NXPH1: variants seen among roughly 807,000 people sequenced by gnomAD.
NXPH1 encodes the protein neurexophilin 1, also known as neurexophilin-1.
In NXPH1, 5 loss-of-function variants were observed where a neutral mutation model predicts 23.7. The ratio of observed to expected loss-of-function variants is 0.21; its 90% CI spans 0.11 to 0.44. The LOEUF (loss-of-function observed/expected upper bound fraction) is 0.44, where lower values mean the gene tolerates loss of function less well. NXPH1 is among the 20% of genes least tolerant of loss of function. NXPH1 has a pLI of 0.99. For synonymous variants in NXPH1, 144 were observed against 122.2 expected (o/e 1.18, Z -1.18); for missense variants, 324 against 321.6 (o/e 1.01, Z -0.06).
At chr7:8,718,710 G>A (rs545349202) in intron 2 of NXPH1, among the ~76,000 whole-genome samples, 32 of 152,262 alleles carry the variant, frequency 2.1e-4, no homozygotes, top group African/African-American at 7.7e-4. Flanking sequence ...TATGAAATGA[G>A]TTACTTAGAC....
intron 2 of NXPH1, among the ~76,000 whole-genome samples, chr7:8,576,216 C>T (rs1818752760): frequency 1.3e-5 from 2 of 152,268 alleles, no homozygotes; most frequent in South Asian, 4.1e-4. Context: ...CCATTCATTT[C>T]ATGTTTCCAT....
intron 2 of NXPH1, among the ~76,000 whole-genome samples, chr7:8,648,579 G>A (rs1820433711): frequency 1.3e-5 from 2 of 152,130 alleles, no homozygotes; most frequent in Admixed American, 1.3e-4. Flanking sequence ...TGGACACTTA[G>A]GTTGCTTCCA....
intron 2 of NXPH1, among the ~76,000 whole-genome samples, chr7:8,659,003 A>AT (rs1448705765): frequency 5.5e-5 from 4 of 73,082 alleles, no homozygotes; most frequent in African/African-American, 1.3e-4. Context: ...ATATATATAT[A>AT]TATTTTTTTT....
At chr7:8,696,116 A>G (rs1779498735) in intron 2 of NXPH1, among the ~76,000 whole-genome samples, 2 of 152,208 alleles carry the variant, frequency 1.3e-5, no homozygotes, top group African/African-American at 2.4e-5. Flanking sequence ...CTTTCACATA[A>G]AACTGGTATT....
chr7:8,456,501 G>A (rs765875706), intron 2 of NXPH1, among the ~76,000 whole-genome samples: 2 of 152,186 alleles, frequency 1.3e-5, no homozygotes, highest in Admixed American at 1.3e-4. Flanking sequence ...ATGATGAATG[G>A]AATTGCAGGT....
intron 2 of NXPH1, among the ~76,000 whole-genome samples, chr7:8,616,117 A>C (rs895075087): frequency 6.6e-6 from 1 of 152,008 alleles, no homozygotes; most frequent in African/African-American, 2.4e-5. Flanking sequence ...ATTTTGTTTT[A>C]TAGACCCCTA....
At chr7:8,603,380 C>A (rs1178845501) in intron 2 of NXPH1, among the ~76,000 whole-genome samples, 2 of 152,142 alleles carry the variant, frequency 1.3e-5, no homozygotes, top group African/African-American at 4.8e-5. Context: ...TAGCCACTAT[C>A]ACCTTTTTAA....
At chr7:8,445,329 C>T (rs1478487655) in intron 2 of NXPH1, among the ~76,000 whole-genome samples, 2 of 152,118 alleles carry the variant, frequency 1.3e-5, no homozygotes, top group Non-Finnish European at 2.9e-5. Context: ...CTTAGAGGAA[C>T]AAAAGGCCAG....
At chr7:8,458,998 G>A (rs1180464640) in intron 2 of NXPH1, among the ~76,000 whole-genome samples, 1 of 152,054 alleles carries the variant, frequency 6.6e-6, no homozygotes, top group African/African-American at 2.4e-5. Context: ...TGTCTTGGGA[G>A]CATTCTTACT....
chr7:8,727,864 A>G (rs963547606), intron 2 of NXPH1, among the ~76,000 whole-genome samples: 4 of 151,760 alleles, frequency 2.6e-5, no homozygotes, highest in Non-Finnish European at 4.4e-5. Flanking sequence ...GTTTTTTCCA[A>G]TTCTGTGAAG....
chr7:8,600,829 G>T (rs1819342403), intron 2 of NXPH1, among the ~76,000 whole-genome samples: 1 of 151,922 alleles, frequency 6.6e-6, no homozygotes, highest in African/African-American at 2.4e-5. Context: ...ATATACAGTT[G>T]TCCCTCTGTA....
At chr7:8,709,485 A>G (rs981969989) in intron 2 of NXPH1, among the ~76,000 whole-genome samples, 2 of 152,190 alleles carry the variant, frequency 1.3e-5, no homozygotes, top group Non-Finnish European at 2.9e-5. Context: ...ACCTCTCTGT[A>G]ACATCATAAT....
At chr7:8,680,406 G>A (rs1340438585) in intron 2 of NXPH1, among the ~76,000 whole-genome samples, 1 of 152,158 alleles carries the variant, frequency 6.6e-6, no homozygotes, top group Non-Finnish European at 1.5e-5. Context: ...AAGATATGCA[G>A]TCTGTTCTTC....
At chr7:8,485,055 A>G (rs1817135559) in intron 2 of NXPH1, among the ~76,000 whole-genome samples, 1 of 152,168 alleles carries the variant, frequency 6.6e-6, no homozygotes, top group Admixed American at 6.6e-5. Flanking sequence ...AGGGAACAAA[A>G]TGGCATTATG....
intron 2 of NXPH1, among the ~76,000 whole-genome samples, chr7:8,661,365 C>T (rs10277946): frequency 0.063 from 9,606 of 152,214 alleles, 664 homozygotes; most frequent in East Asian, 0.25. Context: ...ATTTGGCTCA[C>T]CACACTCAGA....
At chr7:8,597,378 A>C (rs76357241) in intron 2 of NXPH1, among the ~76,000 whole-genome samples, 10,025 of 152,054 alleles carry the variant, frequency 0.066, 391 homozygotes, top group East Asian at 0.13. Context: ...ACCAAAGATA[A>C]TGGGGGTGGG....
At chr7:8,585,372 C>T (rs1398467966) in intron 2 of NXPH1, among the ~76,000 whole-genome samples, 1 of 152,052 alleles carries the variant, frequency 6.6e-6, no homozygotes, top group Non-Finnish European at 1.5e-5. Flanking sequence ...TTGCTATAAA[C>T]AATCCTTTAT....
At chr7:8,474,600 C>T (rs536099729) in intron 2 of NXPH1, among the ~76,000 whole-genome samples, 7 of 152,254 alleles carry the variant, frequency 4.6e-5, no homozygotes, top group South Asian at 4.1e-4. Context: ...CAAACTACTT[C>T]GAAATCTGCT....
intron 2 of NXPH1, among the ~76,000 whole-genome samples, chr7:8,726,706 G>A (rs1456944769): frequency 6.7e-6 from 1 of 148,980 alleles, no homozygotes; most frequent in South Asian, 2.2e-4. Flanking sequence ...TGGTGTATAT[G>A]TGCCACATTT....
Sources: gnomAD v4.1 joint callset for allele counts (sites outside exome capture counted in the v4.1 genomes callset) on GRCh38, gnomAD v4.1.1 for gene constraint, MANE v1.5 for transcripts, NCBI Gene and HGNC (gene_info 2026-07-23, HGNC 2026-07-21) for gene names.